SYNPO: variants seen among roughly 807,000 people sequenced by gnomAD.
SYNPO encodes synaptopodin.
A neutral mutation model predicts 49.5 loss-of-function variants in SYNPO; 19 were observed. The observed-to-expected ratio is 0.38, with a 90% CI of 0.27 to 0.56. The LOEUF is 0.56. Among genes scored for constraint, SYNPO ranks in the 20% least tolerant of loss-of-function variants. The probability of loss-of-function intolerance (pLI) is 0.68; values close to 1 mark genes in which losing one functional copy is unlikely to be tolerated. For missense variants in SYNPO, 1,131 were observed against 1,248.3 expected (o/e 0.91, Z 1.42); for synonymous variants, 536 against 548.0 (o/e 0.98, Z 0.31).
rs566634451 is a variant in SYNPO at position 150,623,353 on chromosome 5, C to T, written c.400+4586C>T. Reference sequence around the variant, plus strand: ...TTCTTTTCCACATCTCTTTCTCTTTCATACCACCCACACAGCAATCCTAGC... The same window carrying T: ...TTCTTTTCCACATCTCTTTCTCTTTTATACCACCCACACAGCAATCCTAGC... On this transcript the variant is annotated intron_variant, in intron 2 of 2. Transcript: ENST00000394243. Among the ~76,000 whole-genome samples, 3 of 152,286 alleles carry T rather than the reference C, an allele frequency of 2.0e-5. No individual in the cohort carries two copies. In the East Asian group the frequency reaches 5.8e-4, roughly 29 times the overall value.
chr5:150,597,264 G>A (rs1262514096), upstream of SYNPO, among the ~76,000 whole-genome samples: 2 of 152,218 alleles, frequency 1.3e-5, no homozygotes, highest in East Asian at 3.8e-4. Flanking sequence ...GTGAGCCCAG[G>A]AGTTCTGGGA....
At chr5:150,617,337 C>A (rs1757009062) in intron 1 of SYNPO, among the ~76,000 whole-genome samples, 1 of 152,062 alleles carries the variant, frequency 6.6e-6, no homozygotes, top group Non-Finnish European at 1.5e-5. Flanking sequence ...GCTCTGTTGC[C>A]CAGGCTGGAG....
intron 2 of SYNPO, among the ~76,000 whole-genome samples, chr5:150,630,391 G>A (rs1016420626): frequency 1.1e-4 from 17 of 152,182 alleles, no homozygotes; most frequent in Non-Finnish European, 1.9e-4. Flanking sequence ...CTTCTGGGCC[G>A]CTTAGTTCTT....
At chr5:150,643,308 A>G (rs1441597283) in intron 1 of SYNPO, among the ~76,000 whole-genome samples, 6 of 152,242 alleles carry the variant, frequency 3.9e-5, no homozygotes, top group African/African-American at 1.4e-4. Flanking sequence ...TAAAGTGTGC[A>G]TAATAATAGT....
At chr5:150,628,617 T>C (rs1228669279) in intron 2 of SYNPO, among the ~76,000 whole-genome samples, 1 of 152,190 alleles carries the variant, frequency 6.6e-6, no homozygotes, top group African/African-American at 2.4e-5. Context: ...TTGATCTCTG[T>C]TAAAATAGCG....
intron 2 of SYNPO, among the ~76,000 whole-genome samples, chr5:150,629,492 C>T (rs918793271): frequency 1.3e-5 from 2 of 152,068 alleles, no homozygotes; most frequent in Non-Finnish European, 2.9e-5. Context: ...CTGAGGGGAT[C>T]ATGGGTGTGA....
chr5:150,640,252 G>C (rs1351310775), upstream of SYNPO: 1 of 826,322 alleles, frequency 1.2e-6, no homozygotes, highest in Non-Finnish European at 1.5e-6. Flanking sequence ...TGGCATTCTA[G>C]GTAGGCCGGA....
At chr5:150,638,677 G>C (rs558294877), upstream of SYNPO, among the ~76,000 whole-genome samples, 6 of 152,328 alleles carry the variant, frequency 3.9e-5, no homozygotes, top group Non-Finnish European at 7.4e-5. Flanking sequence ...GGCCCAGAGT[G>C]TGTCAGGCCC....
At chr5:150,644,887 T>G (rs1009361316) in intron 1 of SYNPO, among the ~76,000 whole-genome samples, 2 of 152,106 alleles carry the variant, frequency 1.3e-5, no homozygotes, top group Admixed American at 1.3e-4. Context: ...AGAGTCCTAC[T>G]CGGGGGGAGT....
At chr5:150,618,706 C>T (rs753752929) in exon 2 of SYNPO, 31 of 1,549,566 alleles carry the variant, frequency 2.0e-5, no homozygotes, top group South Asian at 1.8e-4. Context: ...TAGTGAAGGC[C>T]GGGCAGATGA....
chr5:150,607,433 T>C (rs1756725487), intron 1 of SYNPO, among the ~76,000 whole-genome samples: 1 of 152,200 alleles, frequency 6.6e-6, no homozygotes, highest in Non-Finnish European at 1.5e-5. Context: ...TTACCACAAG[T>C]GACACGGAGC....
intron 2 of SYNPO, chr5:150,653,840 G>A (rs992129456): frequency 1.3e-5 from 2 of 152,220 alleles, no homozygotes; most frequent in African/African-American, 4.8e-5. Flanking sequence ...ATGACTGGGA[G>A]CTTGGATGTC....
upstream of SYNPO, chr5:150,600,997 A>AT (rs1756511148): frequency 6.6e-6 from 1 of 152,078 alleles, no homozygotes; most frequent in South Asian, 2.1e-4. Flanking sequence ...TTAAAGTTTC[A>AT]TTTCCACACG....
Position 150,649,425 on chromosome 5 carries a change from G to A in SYNPO, c.1150G>A (p.Val384Met), listed in dbSNP as rs769667151. ...RGSRKSMFTF[V>M]EKPKVTPNPD... Reference sequence around the variant, plus strand: ...CAGCCGCAAATCCATGTTTACTTTCGTGGAGAAGCCCAAGGTGACCCCGAA... The same window carrying A: ...CAGCCGCAAATCCATGTTTACTTTCATGGAGAAGCCCAAGGTGACCCCGAA... The change falls in exon 2 of 3, where the codon GTG (valine) becomes ATG (methionine). Residue 384 changes from valine to methionine, a missense_variant. Coordinates refer to ENST00000307662, the MANE Select transcript of SYNPO (RefSeq NM_007286.6). 12 of 1,614,188 alleles carry A rather than the reference G, an allele frequency of 7.4e-6. No homozygotes were observed. The highest frequency in any genetic ancestry group is 4.0e-5 in the African/African-American group (3 of 75,052).
intron 2 of SYNPO, chr5:150,652,082 C>T (rs1335864879): frequency 1.0e-6 from 1 of 1,000,170 alleles, no homozygotes; most frequent in Non-Finnish European, 1.2e-6. Flanking sequence ...TCCATGGGAA[C>T]AGGGGTGCCT....
chr5:150,619,375 C>T (rs1757080042), intron 2 of SYNPO, among the ~76,000 whole-genome samples: 2 of 152,156 alleles, frequency 1.3e-5, no homozygotes, highest in African/African-American at 4.8e-5. Context: ...TCGCCTAGGC[C>T]TTGGTTTTTC....
intron 2 of SYNPO, among the ~76,000 whole-genome samples, chr5:150,629,824 C>T (rs1757479858): frequency 6.6e-6 from 1 of 152,098 alleles, no homozygotes; most frequent in Non-Finnish European, 1.5e-5. Flanking sequence ...AACTGAGGCA[C>T]AGAGAAGTTG....
intron 2 of SYNPO, among the ~76,000 whole-genome samples, chr5:150,620,899 C>CTCTT (rs60102848): frequency 0.2 from 21,331 of 108,176 alleles, 2,455 homozygotes; most frequent in Middle Eastern, 0.32. Flanking sequence ...TTCTTTTTTT[C>CTCTT]TCTTTCTTTC....
In SYNPO at chr5:150,646,506, G is replaced by A. The variant is rs58571667; in HGVS notation, c.-332-1438G>A. Among the ~76,000 whole-genome samples the A allele has an allele frequency of 5.0e-3, 761 of 151,972 alleles. 4 individuals carry two copies. Among genetic ancestry groups the A allele is most frequent in the African/African-American group, 0.015 (636 of 41,454 alleles). ...AGACTGAGGTGGGCGGATCACTTGCGCCCACCTGAGTTTGAGACCAGCCTA... is the reference window on the plus strand; with the variant it reads ...AGACTGAGGTGGGCGGATCACTTGCACCCACCTGAGTTTGAGACCAGCCTA... On this transcript the variant is annotated intron_variant, in intron 1 of 2. Transcript: ENST00000307662.
Sources: allele counts gnomAD v4.1 joint callset (sites outside exome capture counted in the v4.1 genomes callset), GRCh38; gene constraint gnomAD v4.1.1; transcripts MANE v1.5; gene names NCBI Gene and HGNC (gene_info 2026-07-23, HGNC 2026-07-21).